The following OR10G3 variants were observed in gnomAD, a reference collection of about 807,000 sequenced individuals.
OR10G3 encodes the protein olfactory receptor family 10 subfamily G member 3.
OR10G3 carries 8 observed loss-of-function variants against 13.4 expected under a neutral mutation model. The ratio of observed to expected loss-of-function variants is 0.60; its 90% confidence interval spans 0.35 to 1.08. The LOEUF is 1.08. Among genes scored for constraint, OR10G3 ranks in the 50% least tolerant of loss-of-function variants. The pLI is 0.02. For synonymous variants in OR10G3, 142 were observed against 156.1 expected, an observed-to-expected ratio of 0.91 and a Z score of 0.67; for missense variants, 393 against 386.6, an observed-to-expected ratio of 1.02 and a Z score of -0.14.
At position 21,580,019 on chromosome 14, in the gene OR10G3, AT is replaced by A. The variant is rs1308232828; in HGVS notation, c.-252del. The stretch of plus-strand genomic sequence containing the variant: ...AGAGATATCTGCTTCCAGCTTCCTT[AT>A]GAACTGGGGGAGGAGCTGTGGCTCT... On this transcript the variant is annotated 5_prime_UTR_variant, in exon 1 of 2. Transcript: ENST00000641040. The A allele has an allele frequency of 6.6e-6, 1 of 152,186 alleles. No individual in the cohort carries two copies. The highest frequency in any genetic ancestry group is 2.4e-5 in the African/African-American group (1 of 41,446). The allele number at this position is 152,186 out of a possible 1,614,324, so 9.4% of individuals were successfully genotyped here.
In OR10G3 at chr14:21,570,311, A is replaced by C; in HGVS notation, c.434T>G (p.Leu145Arg). 6 of 1,614,224 alleles carry C rather than the reference A, an allele frequency of 3.7e-6. No homozygotes were observed. The highest frequency in any genetic ancestry group is 5.1e-6 in the Non-Finnish European group (6 of 1,180,042). ...VLMTAKLSALLVAGAWMAGSI... is the reference protein window; with the variant it reads ...VLMTAKLSALRVAGAWMAGSI... Reference sequence around the variant, plus strand: ...TCCTGCCATCCAGGCTCCAGCCACAAGCAAGGCGCTCAGCTTAGCAGTCAT... The same window carrying C: ...TCCTGCCATCCAGGCTCCAGCCACACGCAAGGCGCTCAGCTTAGCAGTCAT... Residue 145 changes from leucine (L) to arginine (R), a missense_variant, in exon 2 of 2, where the codon CTT (leucine) becomes CGT (arginine). Transcript: ENST00000641040.
At chr14:21,572,716 T>A (rs1377940299) in intron 1 of OR10G3, among the ~76,000 whole-genome samples, 1 of 152,136 alleles carries the variant, frequency 6.6e-6, no homozygotes, top group Non-Finnish European at 1.5e-5. Flanking sequence ...GCTTGGAAAC[T>A]TTTTTGAAAA....
At chr14:21,577,735 G>A (rs1192226948) in intron 1 of OR10G3, among the ~76,000 whole-genome samples, 4 of 152,232 alleles carry the variant, frequency 2.6e-5, no homozygotes, top group Admixed American at 6.5e-5. Flanking sequence ...GAGGCCGGGC[G>A]CGGTGGCTCA....
At chr14:21,574,867 C>T (rs1026802808) in intron 1 of OR10G3, 2 of 152,040 alleles carry the variant, frequency 1.3e-5, no homozygotes, top group African/African-American at 4.8e-5. Flanking sequence ...GGGAGGATTT[C>T]TTGAGCCCAG....
rs1244456910 is a variant in OR10G3 at position 21,569,062 on chromosome 14, A to ATG, written c.*740_*741insCA. 1 of 151,380 alleles carries ATG rather than the reference A, an allele frequency of 6.6e-6. No homozygotes were observed. The highest frequency in any genetic ancestry group is 1.5e-5 in the Non-Finnish European group (1 of 67,946). The allele number at this position is 151,380 out of a possible 1,614,324, so 9.4% of individuals were successfully genotyped here. On this transcript the variant is annotated 3_prime_UTR_variant, in exon 2 of 2. Coordinates refer to ENST00000641040, the MANE Select transcript of OR10G3 (RefSeq NM_001005465.2). ...AATATATATATATTTATATATATAT[A>ATG]AAGGGGAGTTTATTAAGTATTCACT...
In OR10G3 at chr14:21,569,706, AAG is replaced by A; in HGVS notation, c.*95_*96del. 8 of 991,472 alleles carry A rather than the reference AAG, an allele frequency of 8.1e-6. No individual in the cohort carries two copies. Among genetic ancestry groups the A allele is most frequent in the Non-Finnish European group, 1.0e-5 (7 of 673,564 alleles). 61.4% of individuals were successfully genotyped at this position (991,472 alleles called of 1,614,324 possible). A position where few individuals can be genotyped will look rare whatever the true frequency, so the allele number is the denominator to read the frequency against. On this transcript the variant is annotated 3_prime_UTR_variant, in exon 2 of 2. Coordinates refer to ENST00000641040, the MANE Select transcript of OR10G3 (RefSeq NM_001005465.2). ...TTGATCATACAGTATGGCTATATAA[AAG>A]AGAAAAAACAAGAAGAAAAGAAAAA...
At chr14:21,572,608 C>CAAAAAAAAAA (rs397852312) in intron 1 of OR10G3, among the ~76,000 whole-genome samples, 145 of 110,434 alleles carry the variant, frequency 1.3e-3, no homozygotes, top group Non-Finnish European at 1.4e-3. Flanking sequence ...AACAAACAAA[C>CAAAAAAAAAA]AAAAAAAAAA....
chr14:21,572,259 C>A (rs1283809208), intron 1 of OR10G3, among the ~76,000 whole-genome samples: 1 of 103,820 alleles, frequency 9.6e-6, no homozygotes, highest in Non-Finnish European at 1.8e-5. Context: ...TCACTCCAGC[C>A]TGGGCAAAAG....
At chr14:21,575,347 C>T (rs2139713626) in intron 1 of OR10G3, among the ~76,000 whole-genome samples, 1 of 149,842 alleles carries the variant, frequency 6.7e-6, no homozygotes, top group Non-Finnish European at 1.5e-5. Context: ...TCCCAAAGTG[C>T]TGGGATTACA....
At chr14:21,575,801 A>G (rs1471373786) in intron 1 of OR10G3, among the ~76,000 whole-genome samples, 2 of 152,172 alleles carry the variant, frequency 1.3e-5, no homozygotes, top group African/African-American at 4.8e-5. Context: ...AAATCCCGCC[A>G]CCCCATGCCA....
chr14:21,573,825 G>A (rs1317385123), intron 1 of OR10G3, among the ~76,000 whole-genome samples: 1 of 152,146 alleles, frequency 6.6e-6, no homozygotes, highest in African/African-American at 2.4e-5. Context: ...AGACAAGTAT[G>A]TGAGGCAATG....
intron 1 of OR10G3, among the ~76,000 whole-genome samples, chr14:21,572,285 CAAAAAAAAAAAAAAAA>C (rs782404648): frequency 7.9e-5 from 1 of 12,678 alleles, no homozygotes; most frequent in African/African-American, 3.4e-4. Flanking sequence ...AACTCCATCT[CAAAAAAAAAAAAAAAA>C]AAAAAAAAAA....
At position 21,570,640 on chromosome 14, in the gene OR10G3, G is replaced by A; in HGVS notation, c.105C>T (p.Tyr35=). 6.2e-7 allele frequency: 1 copy of A among 1,613,414 alleles called. No homozygotes were observed. The highest frequency in any genetic ancestry group is 8.5e-7 in the Non-Finnish European group (1 of 1,179,954). Residue 35 remains tyrosine (Y), a synonymous_variant, in exon 2 of 2, where the codon TAC becomes TAT. Coordinates refer to ENST00000641040, the MANE Select transcript of OR10G3 (RefSeq NM_001005465.2). ...GCAGGTTTCCCAGCTGAGTCAGGAT[G>A]TAGATTAGAAAAAAGAACACAAAAA... is the stretch of plus-strand genomic sequence containing the variant. ...TLFFVFFFLI[Y]ILTQLGNLLI... is the part of the protein sequence containing the mutation.
rs148153211 is a variant in OR10G3 at position 21,570,249 on chromosome 14, G to C, written c.496C>G (p.Arg166Gly). Residue 166 changes from arginine to glycine, a missense_variant, in exon 2 of 2, where the codon CGC becomes GGC. Arg to Gly is a moderately radical substitution (Grantham distance 125). Transcript: ENST00000641040. Reference protein sequence around the residue: ...HGALQAILTFRLPYCGPNQVD... With the variant: ...HGALQAILTFGLPYCGPNQVD... Reference sequence around the variant, plus strand: ...TGATTGGGCCCACAGTAGGGCAGGCGGAAGGTTAGGATGGCCTGGAGAGCC... The same window carrying C: ...TGATTGGGCCCACAGTAGGGCAGGCCGAAGGTTAGGATGGCCTGGAGAGCC... The C allele has an allele frequency of 1.9e-6, 3 of 1,614,186 alleles. No homozygotes were observed. In the South Asian group the frequency reaches 3.3e-5, roughly 18 times the overall value.
Position 21,577,246 on chromosome 14 carries a change from A to G in OR10G3, c.-18+2540T>C, listed in dbSNP as rs149073297. On this transcript the variant is annotated intron_variant, in intron 1 of 1. Coordinates refer to ENST00000641040, the MANE Select transcript of OR10G3 (RefSeq NM_001005465.2). ...GAGACATGGAGGGAGAGAAAGAGAC[A>G]TGGCACAAGGAGAAGGAAACATGGC... Among the ~76,000 whole-genome samples, 1,060 of 152,306 alleles carry G rather than the reference A, an allele frequency of 7.0e-3. 15 individuals carry two copies. The highest frequency in any genetic ancestry group is 7.5e-3 in the Admixed American group (114 of 15,300).
intron 1 of OR10G3, among the ~76,000 whole-genome samples, chr14:21,573,351 T>G (rs547679908): frequency 6.6e-6 from 1 of 151,568 alleles, no homozygotes; most frequent in South Asian, 2.1e-4. Context: ...GGAATGCGGA[T>G]GGGGAATGCA....
In OR10G3 at chr14:21,574,208, CAGG is replaced by C. The variant is rs1254923008; in HGVS notation, c.-17-3450_-17-3448del. ...GTCCCAGCTACTGGGGAGGCTGAGG[CAGG>C]AGAATGGCATGTACCGGGGAGGCGG... On this transcript the variant is annotated intron_variant, in intron 1 of 1. Coordinates refer to ENST00000641040, the MANE Select transcript of OR10G3 (RefSeq NM_001005465.2). Among the ~76,000 whole-genome samples the C allele has an allele frequency of 1.4e-5, 2 of 144,882 alleles. 1 individual carries two copies. Among genetic ancestry groups the C allele is most frequent in the Non-Finnish European group, 3.0e-5 (2 of 67,192 alleles).
At chr14:21,576,820 AT>A (rs948311532) in intron 1 of OR10G3, among the ~76,000 whole-genome samples, 2 of 152,180 alleles carry the variant, frequency 1.3e-5, no homozygotes, top group African/African-American at 4.8e-5. Flanking sequence ...AGAGAATAGA[AT>A]TTTCTAACTT....
At chr14:21,573,578 G>A (rs1594490625) in intron 1 of OR10G3, among the ~76,000 whole-genome samples, 1 of 142,088 alleles carries the variant, frequency 7.0e-6, no homozygotes. Flanking sequence ...AGGTCGAGGC[G>A]GCAGAATTGC....
Sources: gnomAD v4.1 joint callset for allele counts (sites outside exome capture counted in the v4.1 genomes callset) on GRCh38, gnomAD v4.1.1 for gene constraint, MANE v1.5 for transcripts, NCBI Gene and HGNC (gene_info 2026-07-23, HGNC 2026-07-21) for gene names.